PAK1: variants seen among roughly 807,000 people sequenced by gnomAD.
PAK1 encodes p21 (RAC1) activated kinase 1.
PAK1 carries 29 observed loss-of-function variants against 67.4 expected under a neutral mutation model. The ratio of observed to expected loss-of-function variants is 0.43; its 90% CI spans 0.32 to 0.59. The LOEUF is 0.59. PAK1 is among the 20% of genes least tolerant of loss of function. The pLI is 0.07. For missense variants in PAK1, 337 were observed against 670.7 expected (o/e 0.50, Z 5.50); for synonymous variants, 223 against 237.4 (o/e 0.94, Z 0.56).
chr11:77,462,925 A>T (rs1957420839), intron 1 of PAK1, among the ~76,000 whole-genome samples: 1 of 143,286 alleles, frequency 7.0e-6, no homozygotes, highest in South Asian at 2.4e-4. Flanking sequence ...TCACTCAATC[A>T]AAGTGCCTAC....
At chr11:77,464,032 A>C (rs1323653450) in intron 1 of PAK1, among the ~76,000 whole-genome samples, 2 of 152,242 alleles carry the variant, frequency 1.3e-5, no homozygotes, top group Non-Finnish European at 2.9e-5. Flanking sequence ...TCAACATATA[A>C]CCAATATAAA....
At chr11:77,405,746 T>C (rs2137848952) in intron 1 of PAK1, among the ~76,000 whole-genome samples, 1 of 148,668 alleles carries the variant, frequency 6.7e-6, no homozygotes, top group Middle Eastern at 3.5e-3. Flanking sequence ...CTCCTCCAAA[T>C]ACCACTTATT....
Position 77,430,312 on chromosome 11 carries a change from A to G in PAK1, c.-21-37771T>C, listed in dbSNP as rs576746561. ...GGAAAAACATATTTCAGACTCCCCC[A>G]TTTGATGAGAACAAAGTTTAATAAC... On this transcript the variant is annotated intron_variant, in intron 1 of 14. Coordinates refer to ENST00000356341, the MANE Select transcript of PAK1 (RefSeq NM_002576.5). 5.3e-5 allele frequency among the ~76,000 whole-genome samples: 8 copies of G among 152,322 alleles called. No individual in the cohort carries two copies. In the East Asian group the frequency reaches 1.5e-3, roughly 29 times the overall value.
At chr11:77,416,327 A>C (rs1280502847) in intron 1 of PAK1, among the ~76,000 whole-genome samples, 1 of 152,104 alleles carries the variant, frequency 6.6e-6, no homozygotes, top group African/African-American at 2.4e-5. Flanking sequence ...CTAACACATA[A>C]ACACACACTT....
At chr11:77,527,295 GA>G in the PAK1 span, among the ~76,000 whole-genome samples, 2 of 151,758 alleles carry the variant, frequency 1.3e-5, no homozygotes, top group African/African-American at 4.8e-5. Context: ...TAGTGATGGG[GA>G]TTCACCATTT....
At chr11:77,425,016 C>T (rs549086806) in intron 1 of PAK1, among the ~76,000 whole-genome samples, 12 of 152,310 alleles carry the variant, frequency 7.9e-5, no homozygotes, top group South Asian at 2.1e-4. Context: ...TTGGCTCAGC[C>T]GCCCAATTTC....
chr11:77,355,745 G>C lies in PAK1; in HGVS notation c.695C>G (p.Pro232Arg). The C allele has an allele frequency of 1.2e-6, 2 of 1,613,064 alleles. No homozygotes were observed. The highest frequency in any genetic ancestry group is 1.7e-6 in the Non-Finnish European group (2 of 1,179,044). Reference protein sequence around the residue: ...ISPTENNTTPPDALTRNTEKQ... With the variant: ...ISPTENNTTPRDALTRNTEKQ... Reference sequence around the variant, plus strand: ...CTCAGTATTCCGGGTCAAAGCATCTGGTGGAGTGGTGTTATTTTCAGTAGG... The same window carrying C: ...CTCAGTATTCCGGGTCAAAGCATCTCGTGGAGTGGTGTTATTTTCAGTAGG... Residue 232 changes from proline (P) to arginine (R), a missense_variant, in exon 7 of 15, where the codon CCA (proline) becomes CGA (arginine). Around this residue, in one of 8 missense-constraint regions of PAK1, gnomAD observed 150 missense variants for 179.0 expected, o/e 0.84. Transcript: ENST00000356341.
chr11:77,341,262 CAG>C (rs1349896942), intron 10 of PAK1, among the ~76,000 whole-genome samples: 2 of 152,132 alleles, frequency 1.3e-5, no homozygotes, highest in African/African-American at 4.8e-5. Context: ...GAGTCCAGCA[CAG>C]CAGATGCCAA....
At chr11:77,414,081 CTG>C (rs1402945233) in intron 1 of PAK1, among the ~76,000 whole-genome samples, 2 of 152,218 alleles carry the variant, frequency 1.3e-5, no homozygotes, top group African/African-American at 4.8e-5. Flanking sequence ...AGGTGGCTCT[CTG>C]TAAATTTCTA....
At position 77,323,416 on chromosome 11, in the gene PAK1, A is replaced by G. The variant is rs371836314; in HGVS notation, c.1552-56T>C. 26 of 1,159,006 alleles carry G rather than the reference A, an allele frequency of 2.2e-5. No homozygotes were observed. In the African/African-American group the frequency reaches 3.5e-4, roughly 15 times the overall value. 71.8% of individuals were successfully genotyped at this position (1,159,006 alleles called of 1,614,324 possible). On this transcript the variant is annotated intron_variant, in intron 14 of 14. Transcript: ENST00000356341. ...TGACTATTTAACATTCTTCCCCAGTAACCATTACAAGACATAAAGGCATCT... is the reference window on the plus strand; with the variant it reads ...TGACTATTTAACATTCTTCCCCAGTGACCATTACAAGACATAAAGGCATCT...
intron 2 of PAK1, among the ~76,000 whole-genome samples, 147 bp downstream of exon 2, chr11:77,392,178 TGCTTCA>T (rs144573727): frequency 0.032 from 4,873 of 152,282 alleles, 129 homozygotes; most frequent in African/African-American, 0.074. Flanking sequence ...TTTTCCATTT[TGCTTCA>T]GCCACTGTAG....
At chr11:77,508,245 C>T in the PAK1 span, among the ~76,000 whole-genome samples, 1 of 152,168 alleles carries the variant, frequency 6.6e-6, no homozygotes, top group Non-Finnish European at 1.5e-5. Context: ...CCACAGGCTG[C>T]CTTGGGAATT....
At chr11:77,484,189 G>A in the PAK1 span, among the ~76,000 whole-genome samples, 1,052 of 141,734 alleles carry the variant, frequency 7.4e-3, 11 homozygotes, top group Middle Eastern at 0.036. Context: ...GAAAAACCAT[G>A]AGTAAGCCAA....
At chr11:77,382,037 T>G (rs1715852381) in intron 2 of PAK1, among the ~76,000 whole-genome samples, 1 of 152,246 alleles carries the variant, frequency 6.6e-6, no homozygotes, top group Admixed American at 6.5e-5. Flanking sequence ...GTTTCTAAAT[T>G]CCCTCTGATC....
chr11:77,349,621 T>C (rs976043163), intron 8 of PAK1: 8 of 260,560 alleles, frequency 3.1e-5, no homozygotes, highest in Admixed American at 1.3e-4. Context: ...TTTAAATTGA[T>C]TAGTTCATGT....
At chr11:77,469,513 C>A (rs1227848255) in intron 1 of PAK1, among the ~76,000 whole-genome samples, 2 of 152,166 alleles carry the variant, frequency 1.3e-5, no homozygotes, top group Non-Finnish European at 2.9e-5. Flanking sequence ...GTCGTAGCAA[C>A]TATTACTATC....
At chr11:77,525,182 C>CA in the PAK1 span, among the ~76,000 whole-genome samples, 4,655 of 107,060 alleles carry the variant, frequency 0.043, 86 homozygotes, top group African/African-American at 0.052. Context: ...CCACCCCTAT[C>CA]AAAAAAAAAA....
chr11:77,439,581 A>G (rs1217596612), intron 1 of PAK1, among the ~76,000 whole-genome samples: 1 of 152,182 alleles, frequency 6.6e-6, no homozygotes, highest in Non-Finnish European at 1.5e-5. Context: ...ACAATTACAG[A>G]AAGAATAACC....
At chr11:77,435,657 C>CTTTTTTTTTTT (rs35603502) in intron 1 of PAK1, among the ~76,000 whole-genome samples, 524 of 68,654 alleles carry the variant, frequency 7.6e-3, no homozygotes, top group African/African-American at 0.014. Context: ...CTACACCTGG[C>CTTTTTTTTTTT]TTTTTTTTTT....
Sources: gnomAD v4.1 joint callset for allele counts (sites outside exome capture counted in the v4.1 genomes callset) on GRCh38, gnomAD v4.1.1 for gene constraint, gnomAD v4.1.1 regional missense constraint, MANE v1.5 for transcripts, NCBI Gene and HGNC (gene_info 2026-07-23, HGNC 2026-07-21) for gene names.